KATNB1: variants seen among roughly 807,000 people sequenced by gnomAD.
KATNB1 encodes katanin p80 WD40 repeat-containing subunit B1.
KATNB1 carries 38 observed loss-of-function variants against 82.3 expected under a neutral mutation model. The ratio of observed to expected loss-of-function variants is 0.46; its 90% confidence interval spans 0.36 to 0.61. The LOEUF (loss-of-function observed/expected upper bound fraction) is 0.61. Ranked by LOEUF, KATNB1 falls within the 20% of genes least tolerant of loss-of-function variation. KATNB1 has a pLI of 0.00. For missense variants in KATNB1, 749 were observed against 915.7 expected (o/e 0.82, Z 2.35); for synonymous variants, 361 against 368.7 (o/e 0.98, Z 0.24).
At chr16:57,746,474 T>A (rs2049184999) in intron 4 of KATNB1, among the ~76,000 whole-genome samples, 1 of 152,238 alleles carries the variant, frequency 6.6e-6, no homozygotes, top group Admixed American at 6.5e-5. Context: ...AGGTCGTCAC[T>A]GGTTTCATGC....
In KATNB1 at chr16:57,757,059, C is replaced by A; in HGVS notation, c.*113C>A. 1.6e-6 allele frequency: 2 copies of A among 1,233,512 alleles called. No individual in the cohort carries two copies. The highest frequency in any genetic ancestry group is 2.1e-6 in the Non-Finnish European group (2 of 945,312). 76.4% of individuals were successfully genotyped at this position (1,233,512 alleles called of 1,614,324 possible). A position where few individuals can be genotyped will look rare whatever the true frequency, so the allele number is the denominator to read the frequency against. On this transcript the variant is annotated 3_prime_UTR_variant, in exon 20 of 20. Transcript: ENST00000379661. ...GCCTCTGCCTGGCCCCTGCTGCTGTCCTGTGGCCGTCCTGGAGGAGGTGAT... is the reference window on the plus strand; with the variant it reads ...GCCTCTGCCTGGCCCCTGCTGCTGTACTGTGGCCGTCCTGGAGGAGGTGAT...
At chr16:57,748,615 G>A (rs892028125) in intron 4 of KATNB1, among the ~76,000 whole-genome samples, 2 of 152,088 alleles carry the variant, frequency 1.3e-5, no homozygotes, top group Admixed American at 1.3e-4. Context: ...GACAGACCCC[G>A]GAAGCCCCTC....
Position 57,751,310 on chromosome 16 carries a change from T to A in KATNB1, c.432+8T>A. 1.2e-6 allele frequency: 2 copies of A among 1,613,418 alleles called. No homozygotes were observed. Among genetic ancestry groups the A allele is most frequent in the Non-Finnish European group, 1.7e-6 (2 of 1,179,398 alleles). ...TGTGTCTTCCGATACAGGGTAAGGA[T>A]GCGCTCTGTCGGTGACTCCATGAGC... On this transcript the variant is annotated splice_region_variant and intron_variant, in intron 6 of 19. Transcript: ENST00000379661. This position sits in a 1 kb window ranked among gnomAD's most constrained non-coding sequence, Gnocchi z 6.3.
In KATNB1 at chr16:57,753,431, C is replaced by T. The variant is rs782764043; in HGVS notation, c.1089C>T (p.Ser363=). Residue 363 remains serine (S), a synonymous_variant, in exon 12 of 20, where the codon AGC becomes AGT. Coordinates refer to ENST00000379661, the MANE Select transcript of KATNB1 (RefSeq NM_005886.3). ...AGAGCGAGCGCCGCAGCCCCAGCAG[C>T]GAGGATGACCGGGACGAGCGCGAGT... is the stretch of plus-strand genomic sequence containing the variant. The part of the protein sequence containing the change: ...NSESERRSPS[S]EDDRDERESR... The T allele has an allele frequency of 6.2e-6, 10 of 1,611,222 alleles. No individual in the cohort carries two copies. Among genetic ancestry groups the T allele is most frequent in the Admixed American group, 5.0e-5 (3 of 59,920 alleles).
Position 57,751,700 on chromosome 16 carries a change from G to A in KATNB1, c.492G>A (p.Ser164=), listed in dbSNP as rs140767916. 20 of 1,610,462 alleles carry A rather than the reference G, an allele frequency of 1.2e-5. No individual in the cohort carries two copies. The highest frequency in any genetic ancestry group is 1.5e-5 in the Non-Finnish European group (18 of 1,180,002). The change falls in exon 7 of 20, where the codon TCG becomes TCA. Residue 164 remains serine, a synonymous_variant. Coordinates refer to ENST00000379661, the MANE Select transcript of KATNB1 (RefSeq NM_005886.3). This position sits in a 1 kb window ranked among gnomAD's most constrained non-coding sequence, Gnocchi z 6.3. ...RFSPDGKWLA[S]AADDHTVKLW... is the part of the protein sequence containing the mutation. ...GCCCCGATGGGAAGTGGTTGGCGTC[G>A]GCCGCAGATGACCACACCGTGAAGG... is the stretch of plus-strand genomic sequence containing the variant.
At chr16:57,743,798 G>C (rs1175063795) in intron 3 of KATNB1, among the ~76,000 whole-genome samples, 2 of 152,240 alleles carry the variant, frequency 1.3e-5, no homozygotes, top group African/African-American at 4.8e-5. Flanking sequence ...TTATTTTTGA[G>C]TATGGGATAC....
chr16:57,744,833 A>G (rs553267574), intron 4 of KATNB1, among the ~76,000 whole-genome samples: 1 of 151,950 alleles, frequency 6.6e-6, no homozygotes, highest in African/African-American at 2.4e-5. Flanking sequence ...ACATGCCGCC[A>G]GGGGCCCTGC....
At chr16:57,754,677 C>T (rs1008600922) in intron 13 of KATNB1, among the ~76,000 whole-genome samples, 7 of 152,172 alleles carry the variant, frequency 4.6e-5, no homozygotes, top group African/African-American at 1.7e-4. Context: ...AGTGAAGGGA[C>T]AGGATGGCCA....
chr16:57,744,716 C>CA (rs1555580875), intron 4 of KATNB1, among the ~76,000 whole-genome samples: 8 of 124,952 alleles, frequency 6.4e-5, no homozygotes, highest in Non-Finnish European at 1.5e-4. Context: ...GGGGGATGTG[C>CA]GGGTGTGTGT....
chr16:57,755,177 C>T lies in KATNB1; in HGVS notation c.1355C>T (p.Pro452Leu), dbSNP rs1287730673. Residue 452 changes from proline to leucine, a missense_variant, in exon 15 of 20, where the codon CCT becomes CTT. Transcript: ENST00000379661. ...VASTPAPKAE[P>L]AIIPATRNEP... Reference sequence around the variant, plus strand: ...TCCACACCTGCACCCAAGGCTGAGCCTGCCATCATCCCTGCCACCCGGAAC... The same window carrying T: ...TCCACACCTGCACCCAAGGCTGAGCTTGCCATCATCCCTGCCACCCGGAAC... The T allele has an allele frequency of 6.2e-7, 1 of 1,612,528 alleles. No homozygotes were observed. Among genetic ancestry groups the T allele is most frequent in the East Asian group, 2.2e-5 (1 of 44,872 alleles).
intron 1 of KATNB1, among the ~76,000 whole-genome samples, chr16:57,736,437 C>T (rs1334446443): frequency 6.6e-6 from 1 of 152,126 alleles, no homozygotes; most frequent in Admixed American, 6.5e-5. Context: ...GCCACTTACG[C>T]CCAGACTGGA....
At chr16:57,752,316 G>A (rs2049234976) in intron 8 of KATNB1, 2 of 628,242 alleles carry the variant, frequency 3.2e-6, no homozygotes, top group Admixed American at 5.4e-5. Flanking sequence ...ACCCCATAGG[G>A]CAGGGAGGCT....
At position 57,756,381 on chromosome 16, in the gene KATNB1, C is replaced by T; in HGVS notation, c.1744C>T (p.Leu582=). ...CTACGTCCAGACGGGCTGCACCTCC[C>T]TGAAGCTGATCCTGCAGCGGTTTCT... is the stretch of plus-strand genomic sequence containing the variant. ...ESYVQTGCTS[L]KLILQRFLPL... The change falls in exon 19 of 20, where the codon CTG becomes TTG. Residue 582 remains leucine, a synonymous_variant. Coordinates refer to ENST00000379661, the MANE Select transcript of KATNB1 (RefSeq NM_005886.3). 1 of 1,614,054 alleles carries T rather than the reference C, an allele frequency of 6.2e-7. No individual in the cohort carries two copies. The highest frequency in any genetic ancestry group is 8.5e-7 in the Non-Finnish European group (1 of 1,180,020).
Position 57,754,111 on chromosome 16 carries a change from G to A in KATNB1, c.1228+116G>A, listed in dbSNP as rs1376425593. 2.6e-5 allele frequency: 22 copies of A among 849,772 alleles called. 1 individual carries two copies. The highest frequency in any genetic ancestry group is 1.5e-4 in the South Asian group (10 of 65,572). The allele number at this position is 849,772 out of a possible 1,614,324, so 52.6% of individuals were successfully genotyped here. On this transcript the variant is annotated intron_variant, in intron 13 of 19. Transcript: ENST00000379661. ...CCAGGACCCTCCCCTCTCAGGACAC[G>A]ACCCACACCCTCTCCCGCTGGGTCT... is the stretch of plus-strand genomic sequence containing the variant.
chr16:57,754,076 A>G, intron 13 of KATNB1, 81 bp downstream of exon 13: 3 of 1,228,580 alleles, frequency 2.4e-6, no homozygotes, highest in Non-Finnish European at 3.5e-6. Context: ...CCCTCCCAAC[A>G]AGCCCCTTCC....
At chr16:57,756,576 T>G (rs2049286307) in intron 19 of KATNB1, 104 bp downstream of exon 19, 1 of 1,224,314 alleles carries the variant, frequency 8.2e-7, no homozygotes, top group African/African-American at 1.5e-5. Flanking sequence ...TGGGACAGAG[T>G]ACAGAGGAGG....
At chr16:57,747,680 C>T (rs1004340132) in intron 4 of KATNB1, among the ~76,000 whole-genome samples, 1 of 152,140 alleles carries the variant, frequency 6.6e-6, no homozygotes, top group Non-Finnish European at 1.5e-5. Context: ...GCTGGGCTCT[C>T]ATGGAGAAGA....
Position 57,751,853 on chromosome 16 carries a change from G to C in KATNB1, c.517-87G>C, listed in dbSNP as rs959473747. On this transcript the variant is annotated intron_variant, in intron 7 of 19. Transcript: ENST00000379661. This position sits in a 1 kb window ranked among gnomAD's most constrained non-coding sequence, Gnocchi z 6.3. ...GCCTATCCCGAGTGGAAGGTAGCTT[G>C]TGGATAAAGAGCTTGGCCTGGATTA... 7.1e-7 allele frequency: 1 copy of C among 1,403,908 alleles called. No individual in the cohort carries two copies. Among genetic ancestry groups the C allele is most frequent in the Admixed American group, 1.8e-5 (1 of 56,554 alleles). The allele number at this position is 1,403,908 out of a possible 1,614,324, so 87.0% of individuals were successfully genotyped here. A position where few individuals can be genotyped will look rare whatever the true frequency, so the allele number is the denominator to read the frequency against.
chr16:57,743,756 TC>T (rs1236240791), intron 3 of KATNB1, among the ~76,000 whole-genome samples: 1 of 152,214 alleles, frequency 6.6e-6, no homozygotes, highest in African/African-American at 2.4e-5. Flanking sequence ...GTGCACGCTG[TC>T]CCCCTGCAGG....
Sources: gnomAD v4.1 joint callset for allele counts (sites outside exome capture counted in the v4.1 genomes callset) on GRCh38, gnomAD v4.1.1 for gene constraint, Gnocchi (gnomAD v3.1) non-coding constraint, MANE v1.5 for transcripts, NCBI Gene and HGNC (gene_info 2026-07-23, HGNC 2026-07-21) for gene names.